Variants in INPP4A observed in about 807,000 individuals in gnomAD.
The protein encoded by INPP4A is inositol polyphosphate-4-phosphatase, type I, 107kD.
In INPP4A, 33 loss-of-function variants were observed where a neutral mutation model predicts 119.8. The ratio of observed to expected loss-of-function variants is 0.28; its 90% CI spans 0.21 to 0.37. The LOEUF (loss-of-function observed/expected upper bound fraction) is 0.37. INPP4A is among the 10% of genes least tolerant of loss of function. INPP4A has a pLI of 1.00. For missense variants in INPP4A, 956 were observed against 1,289.9 expected, an observed-to-expected ratio of 0.74 and a Z score of 3.97; for synonymous variants, 496 against 500.7, an observed-to-expected ratio of 0.99 and a Z score of 0.12.
At chr2:98,553,085 T>C in intron 14 of INPP4A, 116 bp downstream of exon 14, 1 of 807,554 alleles carries the variant, frequency 1.2e-6, no homozygotes, top group East Asian at 2.7e-5. Flanking sequence ...TTGGGATGAC[T>C]TTGAAGGTCT....
chr2:98,563,480 C>T lies in INPP4A; in HGVS notation c.1871C>T (p.Ala624Val). The T allele has an allele frequency of 1.2e-6, 2 of 1,613,080 alleles. No homozygotes were observed. Among genetic ancestry groups the T allele is most frequent in the Non-Finnish European group, 1.7e-6 (2 of 1,179,514 alleles). ...EESSPGEWSEALYPLLTTLTD... is the reference protein window; with the variant it reads ...EESSPGEWSEVLYPLLTTLTD... ...TGTGCCCCAGGTGAATGGAGTGAGG[C>T]CCTTTACCCGCTGCTGACCACTCTC... The change falls in exon 18 of 25, where the codon GCC (alanine) becomes GTC (valine). Residue 624 changes from alanine (A) to valine (V), a missense_variant. By Grantham distance (64) the Ala-to-Val change is moderately conservative (BLOSUM62 0). This residue lies in a region of INPP4A where 304 missense variants were observed against 492.1 expected (regional missense o/e 0.62). Coordinates refer to ENST00000409851, the MANE Select transcript of INPP4A (RefSeq NM_001134225.2).
At chr2:98,516,855 C>T (rs150235120) in intron 1 of INPP4A, among the ~76,000 whole-genome samples, 3 of 152,134 alleles carry the variant, frequency 2.0e-5, no homozygotes, top group African/African-American at 7.2e-5. Context: ...TGCTGGCTGT[C>T]CCCTCTGTAC....
At chr2:98,475,377 T>C (rs1676999048) in intron 1 of INPP4A, among the ~76,000 whole-genome samples, 1 of 152,126 alleles carries the variant, frequency 6.6e-6, no homozygotes, top group South Asian at 2.1e-4. Context: ...AAGAGAGACC[T>C]CTAAAACCCC....
chr2:98,460,105 G>A (rs1414787385), intron 1 of INPP4A, among the ~76,000 whole-genome samples: 26 of 148,974 alleles, frequency 1.7e-4, no homozygotes, highest in African/African-American at 6.0e-4. Context: ...GTCATCGTGT[G>A]TGTGTGTGTG....
chr2:98,582,036 C>T (rs578024249), intron 24 of INPP4A, among the ~76,000 whole-genome samples: 6 of 152,280 alleles, frequency 3.9e-5, no homozygotes, highest in South Asian at 2.1e-4. Context: ...CCTGGAATTC[C>T]TTGTACCACG....
At chr2:98,457,571 T>A (rs1434781296) in intron 1 of INPP4A, among the ~76,000 whole-genome samples, 1 of 152,250 alleles carries the variant, frequency 6.6e-6, no homozygotes, top group Admixed American at 6.5e-5. Context: ...ACTAGCAGCC[T>A]GTGACGTAGA....
At position 98,542,898 on chromosome 2, in the gene INPP4A, C is replaced by T. The variant is rs1038488595; in HGVS notation, c.819-979C>T. 2.0e-5 allele frequency among the ~76,000 whole-genome samples: 3 copies of T among 151,738 alleles called. No individual in the cohort carries two copies. In the East Asian group the frequency reaches 5.8e-4, roughly 29 times the overall value. ...CCTGATTTCATCCACAGTGACACAG[C>T]GGGCCACTTTTAGGTTCAGACAGCT... On this transcript the variant is annotated intron_variant, in intron 10 of 24. Coordinates refer to ENST00000409851, the MANE Select transcript of INPP4A (RefSeq NM_001134225.2).
At chr2:98,557,626 T>A (rs1288390045) in intron 16 of INPP4A, among the ~76,000 whole-genome samples, 4 of 152,254 alleles carry the variant, frequency 2.6e-5, no homozygotes, top group Admixed American at 2.6e-4. Context: ...TCATCACTTT[T>A]CATTCCAGTT....
At chr2:98,528,944 G>T (rs1201321690) in intron 4 of INPP4A, among the ~76,000 whole-genome samples, 1 of 152,034 alleles carries the variant, frequency 6.6e-6, no homozygotes, top group Non-Finnish European at 1.5e-5. Context: ...TGGGCGTGGT[G>T]GCAGGCGCCT....
At chr2:98,533,545 G>C (rs745529706) in intron 5 of INPP4A, 50 bp downstream of exon 5, 1 of 1,089,256 alleles carries the variant, frequency 9.2e-7, no homozygotes, top group Admixed American at 1.7e-5. Flanking sequence ...TGCTCTAGTG[G>C]TGTCTCTTGT....
Position 98,591,311 on chromosome 2 carries a change from T to C in INPP4A, c.*3703T>C, listed in dbSNP as rs951446898. 2 of 159,312 alleles carry C rather than the reference T, an allele frequency of 1.3e-5. No individual in the cohort carries two copies. Among genetic ancestry groups the C allele is most frequent in the African/African-American group, 4.8e-5 (2 of 41,684 alleles). 9.9% of individuals were successfully genotyped at this position (159,312 alleles called of 1,614,324 possible). On this transcript the variant is annotated 3_prime_UTR_variant, in exon 25 of 25. Transcript: ENST00000409851. Reference sequence around the variant, plus strand: ...ATGGGCCATGCTCAGTTTAATATTATTAACAGTTTCTACCTTCACTCTCAT... The same window carrying C: ...ATGGGCCATGCTCAGTTTAATATTACTAACAGTTTCTACCTTCACTCTCAT...
chr2:98,533,578 A>G, intron 5 of INPP4A, 83 bp downstream of exon 5: 1 of 824,846 alleles, frequency 1.2e-6, no homozygotes, highest in Non-Finnish European at 2.1e-6. Flanking sequence ...TTACTTGTGC[A>G]TCTGTAGCTG....
chr2:98,459,121 C>T (rs895683938), intron 1 of INPP4A, among the ~76,000 whole-genome samples: 39 of 152,314 alleles, frequency 2.6e-4, no homozygotes, highest in Non-Finnish European at 4.7e-4. Context: ...TCGGAAATGC[C>T]GCTCACTCAT....
chr2:98,588,600 G>T lies in INPP4A; in HGVS notation c.*992G>T, dbSNP rs1700157655. ...TCTTATTTTTAGGTTTGCAATAATTGTTACTTTCTTATTCTCATTCTTATG... is the reference window on the plus strand; with the variant it reads ...TCTTATTTTTAGGTTTGCAATAATTTTTACTTTCTTATTCTCATTCTTATG... On this transcript the variant is annotated 3_prime_UTR_variant, in exon 25 of 25. Transcript: ENST00000409851. The T allele has an allele frequency of 4.5e-6, 1 of 223,292 alleles. No homozygotes were observed. The highest frequency in any genetic ancestry group is 8.9e-6 in the Non-Finnish European group (1 of 112,018). The allele number at this position is 223,292 out of a possible 1,614,324, so 13.8% of individuals were successfully genotyped here. A position where few individuals can be genotyped will look rare whatever the true frequency, so the allele number is the denominator to read the frequency against.
chr2:98,528,313 A>G (rs1320200551), intron 4 of INPP4A, among the ~76,000 whole-genome samples: 1 of 152,240 alleles, frequency 6.6e-6, no homozygotes, highest in African/African-American at 2.4e-5. Context: ...AGAAAGAATC[A>G]GCAAACTTGA....
intron 4 of INPP4A, among the ~76,000 whole-genome samples, chr2:98,527,975 A>G (rs1181745470): frequency 6.6e-6 from 1 of 152,226 alleles, no homozygotes; most frequent in Non-Finnish European, 1.5e-5. Context: ...TTCAACAAGA[A>G]GTTATGAGAT....
chr2:98,496,069 C>T (rs143424494), intron 1 of INPP4A, among the ~76,000 whole-genome samples: 2 of 152,256 alleles, frequency 1.3e-5, no homozygotes, highest in East Asian at 3.9e-4. Context: ...TTTAAGATCT[C>T]TGTTTTATCA....
intron 1 of INPP4A, among the ~76,000 whole-genome samples, chr2:98,449,068 C>T (rs1356738625): frequency 6.6e-6 from 1 of 152,140 alleles, no homozygotes; most frequent in Non-Finnish European, 1.5e-5. Context: ...ATTCTCTGGC[C>T]CTGCTAACTT....
At chr2:98,478,023 T>C (rs1309064030) in intron 1 of INPP4A, among the ~76,000 whole-genome samples, 2 of 152,186 alleles carry the variant, frequency 1.3e-5, no homozygotes, top group Non-Finnish European at 2.9e-5. Context: ...TACAACCTAC[T>C]GTTATTGTGC....
Sources: allele counts gnomAD v4.1 joint callset (sites outside exome capture counted in the v4.1 genomes callset), GRCh38; gene constraint gnomAD v4.1.1; regional missense constraint gnomAD v4.1.1; transcripts MANE v1.5; gene names NCBI Gene and HGNC (gene_info 2026-07-23, HGNC 2026-07-21).